FIGNL2: variants seen among roughly 807,000 people sequenced by gnomAD.
The protein encoded by FIGNL2 is fidgetin like 2.
For synonymous variants in FIGNL2, 565 were observed against 484.0 expected, an observed-to-expected ratio of 1.17 and a Z score of -2.20; for missense variants, 1,060 against 950.2, an observed-to-expected ratio of 1.12 and a Z score of -1.52.
At chr12:51,833,550 G>A (rs1939511258) in intron 1 of FIGNL2, among the ~76,000 whole-genome samples, 1 of 151,996 alleles carries the variant, frequency 6.6e-6, no homozygotes, top group Non-Finnish European at 1.5e-5. Context: ...TTACCTCTCG[G>A]CCTCACCTGC....
chr12:51,841,939 G>A (rs1939669837), intron 1 of FIGNL2: 1 of 152,206 alleles, frequency 6.6e-6, no homozygotes, highest in Admixed American at 6.5e-5. Flanking sequence ...GGCCCCATCT[G>A]AGAACACGTG....
At chr12:51,833,766 A>G (rs1199312510) in intron 1 of FIGNL2, among the ~76,000 whole-genome samples, 1 of 152,238 alleles carries the variant, frequency 6.6e-6, no homozygotes, top group African/African-American at 2.4e-5. Flanking sequence ...TGTAACACTC[A>G]TCCATCAGAT....
rs1939802598 is a variant in FIGNL2 at position 51,848,608 on chromosome 12, G to A, written c.-80C>T. 2 of 887,086 alleles carry A rather than the reference G, an allele frequency of 2.3e-6. No individual in the cohort carries two copies. Among genetic ancestry groups the A allele is most frequent in the African/African-American group, 1.8e-5 (1 of 55,162 alleles). 55.0% of individuals were successfully genotyped at this position (887,086 alleles called of 1,614,324 possible). A position where few individuals can be genotyped will look rare whatever the true frequency, so the allele number is the denominator to read the frequency against. ...GGGCGCGTCCGGCCCGGGGACCGGGGCGGCGGCGCGGGCCGGGGGCGACAG... is the reference window on the plus strand; with the variant it reads ...GGGCGCGTCCGGCCCGGGGACCGGGACGGCGGCGCGGGCCGGGGGCGACAG... On this transcript the variant is annotated 5_prime_UTR_variant, in exon 1 of 2. Coordinates refer to ENST00000618634, the MANE Select transcript of FIGNL2 (RefSeq NM_001384995.1).
intron 1 of FIGNL2, among the ~76,000 whole-genome samples, chr12:51,829,788 AG>A (rs1939417060): frequency 6.6e-6 from 1 of 150,872 alleles, no homozygotes; most frequent in South Asian, 2.1e-4. Context: ...AGAGGAAAAA[AG>A]AAGGAAGGAA....
At chr12:51,831,274 G>GCCAGGAA (rs1435846877) in intron 1 of FIGNL2, among the ~76,000 whole-genome samples, 1 of 152,194 alleles carries the variant, frequency 6.6e-6, no homozygotes, top group Non-Finnish European at 1.5e-5. Context: ...TCGCTAGGGA[G>GCCAGGAA]TCAGGAATTC....
At chr12:51,848,233 C>A (rs971697073) in intron 1 of FIGNL2, 4 of 984,260 alleles carry the variant, frequency 4.1e-6, no homozygotes, top group African/African-American at 1.7e-5. Flanking sequence ...CGCCCCCGAG[C>A]CGGCTGCTCG....
chr12:51,823,552 G>T (rs897284828), intron 1 of FIGNL2: 2 of 152,196 alleles, frequency 1.3e-5, no homozygotes, highest in Non-Finnish European at 2.9e-5. Context: ...GCACCTCCCA[G>T]CGTGAGCCAA....
chr12:51,831,210 GAAA>G (rs1034404046), intron 1 of FIGNL2, among the ~76,000 whole-genome samples: 2 of 152,002 alleles, frequency 1.3e-5, no homozygotes, highest in African/African-American at 4.8e-5. Context: ...AGCTAAAAAA[GAAA>G]AAAAGAGGAA....
rs933410604 is a variant in FIGNL2 at position 51,848,542 on chromosome 12, C to T, written c.-14G>A. The T allele has an allele frequency of 2.5e-5, 25 of 984,356 alleles. No individual in the cohort carries two copies. The highest frequency in any genetic ancestry group is 3.0e-5 in the Non-Finnish European group (25 of 829,474). 61.0% of individuals were successfully genotyped at this position (984,356 alleles called of 1,614,324 possible). On this transcript the variant is annotated splice_region_variant and 5_prime_UTR_variant, in exon 1 of 2. Transcript: ENST00000618634. ...CCGGCCCGCCCGCGGCCCCGTACCT[C>T]GGCATCACGGCCGGGTCCTAGGTGA...
In FIGNL2 at chr12:51,820,181, C is replaced by T. The variant is rs945208448; in HGVS notation, c.*271G>A. On this transcript the variant is annotated 3_prime_UTR_variant, in exon 2 of 2. Transcript: ENST00000618634. The stretch of plus-strand genomic sequence containing the variant: ...TAAGGCCCCGGGTGCCAGCCCATGC[C>T]GGATCTGCCCGGTCTGCCGGGCGGA... 4.9e-5 allele frequency: 23 copies of T among 473,948 alleles called. No individual in the cohort carries two copies. Among genetic ancestry groups the T allele is most frequent in the African/African-American group, 4.6e-4 (22 of 48,150 alleles). 29.4% of individuals were successfully genotyped at this position (473,948 alleles called of 1,614,324 possible).
rs1161269798 is a variant in FIGNL2 at position 51,821,472 on chromosome 12, T to G, written c.942A>C (p.Pro314=). ...CRGNGFRAKP[P]GAAEEASGKY... Reference sequence around the variant, plus strand: ...TGCCCGACGCCTCCTCCGCGGCTCCTGGCGGCTTGGCCCGGAACCCGTTGC... The same window carrying G: ...TGCCCGACGCCTCCTCCGCGGCTCCGGGCGGCTTGGCCCGGAACCCGTTGC... The change falls in exon 2 of 2, where the codon CCA becomes CCC. Residue 314 remains proline (P), a synonymous_variant. Coordinates refer to ENST00000618634, the MANE Select transcript of FIGNL2 (RefSeq NM_001384995.1). 6.5e-7 allele frequency: 1 copy of G among 1,545,316 alleles called. No homozygotes were observed. Among genetic ancestry groups the G allele is most frequent in the African/African-American group, 1.4e-5 (1 of 71,644 alleles).
intron 1 of FIGNL2, among the ~76,000 whole-genome samples, chr12:51,845,946 G>A (rs1939742466): frequency 6.6e-6 from 1 of 151,988 alleles, no homozygotes; most frequent in East Asian, 1.9e-4. Context: ...GGGTGGGGTA[G>A]GGTCATGGGG....
intron 1 of FIGNL2, among the ~76,000 whole-genome samples, chr12:51,844,110 A>G (rs977511649): frequency 6.6e-6 from 1 of 152,154 alleles, no homozygotes; most frequent in Non-Finnish European, 1.5e-5. Context: ...CCACATCACC[A>G]TCATATGAGG....
Position 51,822,424 on chromosome 12 carries a change from G to A in FIGNL2, c.-11C>T, listed in dbSNP as rs79939077. 1,179 of 1,613,198 alleles carry A rather than the reference G, an allele frequency of 7.3e-4. 2 individuals are homozygous for A. The African/African-American group carries it at 0.014, about 19-fold the overall frequency. ...TGGTGTCCAGTGCATCTTCAACAGA[G>A]CTGCGGGCAAGAGACAGGAGGTCTG... is the stretch of plus-strand genomic sequence containing the variant. On this transcript the variant is annotated splice_region_variant and 5_prime_UTR_variant, in exon 2 of 2. Transcript: ENST00000618634.
chr12:51,830,962 T>A (rs1357878348), intron 1 of FIGNL2, among the ~76,000 whole-genome samples: 1 of 151,784 alleles, frequency 6.6e-6, no homozygotes, highest in Non-Finnish European at 1.5e-5. Context: ...CTAATGTTTG[T>A]GTTTGTTTGT....
intron 1 of FIGNL2, chr12:51,825,736 C>A (rs893779387): frequency 1.8e-4 from 27 of 151,854 alleles, no homozygotes; most frequent in African/African-American, 6.5e-4. Context: ...CCTGCCTCAG[C>A]CTCCCGAGTA....
chr12:51,848,278 G>C, intron 1 of FIGNL2: 1 of 984,902 alleles, frequency 1.0e-6, no homozygotes, highest in Non-Finnish European at 1.2e-6. Flanking sequence ...AGGGGGCTGC[G>C]AGACGGGTGC....
At chr12:51,833,722 C>T (rs888868801) in intron 1 of FIGNL2, among the ~76,000 whole-genome samples, 11 of 152,206 alleles carry the variant, frequency 7.2e-5, no homozygotes, top group South Asian at 2.1e-4. Context: ...GCCGTTGCCT[C>T]GGCAGACACT....
intron 1 of FIGNL2, among the ~76,000 whole-genome samples, chr12:51,843,361 AC>A (rs1371485775): frequency 1.4e-5 from 2 of 143,672 alleles, no homozygotes; most frequent in African/African-American, 5.2e-5. Context: ...ACATGGCAAA[AC>A]CCCGTCTCTA....
Sources: allele counts gnomAD v4.1 joint callset (sites outside exome capture counted in the v4.1 genomes callset), GRCh38; gene constraint gnomAD v4.1.1; transcripts MANE v1.5; gene names NCBI Gene and HGNC (gene_info 2026-07-23, HGNC 2026-07-21).